SLC17A5: variants seen among roughly 807,000 people sequenced by gnomAD.
The protein encoded by SLC17A5 is solute carrier family 17 member 5, also known as sialin.
In SLC17A5, 47 loss-of-function variants were observed where a neutral mutation model predicts 59.4. The ratio of observed to expected loss-of-function variants is 0.79; its 90% CI spans 0.63 to 1.01. The LOEUF (loss-of-function observed/expected upper bound fraction) is 1.01, where lower values mean the gene tolerates loss of function less well. Ranked by LOEUF, SLC17A5 falls within the 50% of genes least tolerant of loss-of-function variation. The pLI is 0.00. For synonymous variants in SLC17A5, 202 were observed against 210.7 expected, an observed-to-expected ratio of 0.96 and a Z score of 0.36; for missense variants, 522 against 595.5, an observed-to-expected ratio of 0.88 and a Z score of 1.28.
chr6:73,616,546 TACACACACACACACACAC>T (rs56306141), intron 7 of SLC17A5, among the ~76,000 whole-genome samples: 1 of 126,266 alleles, frequency 7.9e-6, no homozygotes, highest in Non-Finnish European at 1.6e-5. Context: ...GTTTATTTAC[TACACACACACACACACAC>T]ACACACACAC....
At chr6:73,612,733 C>T (rs1767686178) in intron 8 of SLC17A5, among the ~76,000 whole-genome samples, 1 of 152,112 alleles carries the variant, frequency 6.6e-6, no homozygotes, top group Non-Finnish European at 1.5e-5. Context: ...TACCATCATG[C>T]CTAACTGATT....
chr6:73,653,443 C>T (rs1769963614), intron 1 of SLC17A5: 1 of 985,276 alleles, frequency 1.0e-6, no homozygotes, highest in South Asian at 4.7e-5. Context: ...CCACTGGGTC[C>T]CTTGCTCAGC....
At chr6:73,601,281 G>C (rs1316115954) in intron 9 of SLC17A5, among the ~76,000 whole-genome samples, 1 of 140,780 alleles carries the variant, frequency 7.1e-6, no homozygotes, top group African/African-American at 2.6e-5. Context: ...CGCCCCGTCT[G>C]AGAAGTGAGG....
In SLC17A5 at chr6:73,641,803, A is replaced by G. The variant is rs758934754; in HGVS notation, c.413T>C (p.Leu138Pro). The change falls in exon 3 of 11, where the codon CTG becomes CCG. Residue 138 changes from leucine (L) to proline (P), a missense_variant. Leu to Pro is a moderately conservative substitution (Grantham distance 98). Transcript: ENST00000355773. ...YVASKIGGKM[L>P]LGFGILGTAV... ...AGTGCCAAGGATCCCAAATCCTAGC[A>G]GCATTTTCCCCCCTATTTTGCTGGC... 3 of 1,614,242 alleles carry G rather than the reference A, an allele frequency of 1.9e-6. No homozygotes were observed. In the Admixed American group the frequency reaches 5.0e-5, roughly 27 times the overall value.
At chr6:73,619,097 A>C (rs959692920) in intron 7 of SLC17A5, among the ~76,000 whole-genome samples, 9 of 152,030 alleles carry the variant, frequency 5.9e-5, no homozygotes, top group African/African-American at 2.2e-4. Context: ...AGAAGGAAAG[A>C]GATGGGGTAG....
chr6:73,624,837 C>A (rs575501704), intron 6 of SLC17A5, among the ~76,000 whole-genome samples: 1 of 152,050 alleles, frequency 6.6e-6, no homozygotes, highest in Non-Finnish European at 1.5e-5. Context: ...CACATCACTG[C>A]ACTCCAGCTT....
At chr6:73,647,219 T>C (rs934919505) in intron 1 of SLC17A5, among the ~76,000 whole-genome samples, 1 of 152,240 alleles carries the variant, frequency 6.6e-6, no homozygotes, top group African/African-American at 2.4e-5. Flanking sequence ...ATCTGGTTGA[T>C]GGTTTAAAGA....
chr6:73,618,244 GAAATAAAATA>G (rs372079299), intron 7 of SLC17A5: 30,899 of 141,250 alleles, frequency 0.22, 3,832 homozygotes, highest in Non-Finnish European at 0.26. Context: ...AAAATAAAAT[GAAATAAAATA>G]AAATAAAATA....
intron 2 of SLC17A5, among the ~76,000 whole-genome samples, chr6:73,642,670 T>C (rs772337609): frequency 8.5e-5 from 13 of 152,202 alleles, no homozygotes; most frequent in Non-Finnish European, 1.5e-4. Flanking sequence ...CTAATGAAGA[T>C]TTAGTGACTG....
intron 1 of SLC17A5, among the ~76,000 whole-genome samples, chr6:73,645,748 A>T (rs1020310405): frequency 3.4e-5 from 5 of 145,806 alleles, no homozygotes; most frequent in African/African-American, 1.3e-4. Context: ...AGATCGCGCC[A>T]CTGCACTCCA....
Position 73,600,348 on chromosome 6 carries a change from T to C in SLC17A5, c.1350+3A>G. On this transcript the variant is annotated splice_donor_region_variant and intron_variant, in intron 10 of 10. Transcript: ENST00000355773. ...CCAGTTTACAAGTAAATTATCTACT[T>C]ACATCAGGGGTCAGACTTTTAGCAA... 1.2e-6 allele frequency: 2 copies of C among 1,609,554 alleles called. No individual in the cohort carries two copies.
At position 73,633,013 on chromosome 6, in the gene SLC17A5, GTCTTGC is replaced by G. The variant is rs146817026; in HGVS notation, c.819+2363_819+2368del. On this transcript the variant is annotated intron_variant, in intron 6 of 10. Transcript: ENST00000355773. ...ACTTAACTTATTTATTTGAGACATG[GTCTTGC>G]TCTGTTGCCCAGGTTGGAGTGCAAT... Among the ~76,000 whole-genome samples the G allele has an allele frequency of 9.1e-3, 1,385 of 152,068 alleles. 28 individuals carry two copies. The highest frequency in any genetic ancestry group is 0.031 in the African/African-American group (1,293 of 41,460).
At chr6:73,642,213 G>C (rs1294841217) in intron 2 of SLC17A5, among the ~76,000 whole-genome samples, 1 of 152,134 alleles carries the variant, frequency 6.6e-6, no homozygotes, top group Non-Finnish European at 1.5e-5. Context: ...GACCAAGAAG[G>C]CTCACAAAAG....
Position 73,644,397 on chromosome 6 carries a change from T to C in SLC17A5, c.291+10A>G, listed in dbSNP as rs770302216. ...TAATTAAAATTGTTTCCTTAAAAAA[T>C]AGCACCTACCGTTTGATTATGATGA... is the stretch of plus-strand genomic sequence containing the variant. On this transcript the variant is annotated intron_variant, in intron 2 of 10. Transcript: ENST00000355773. 1.2e-6 allele frequency: 2 copies of C among 1,606,652 alleles called. No individual in the cohort carries two copies. The highest frequency in any genetic ancestry group is 2.2e-5 in the East Asian group (1 of 44,810).
At chr6:73,620,366 C>T (rs1268026391) in intron 7 of SLC17A5, among the ~76,000 whole-genome samples, 1 of 152,108 alleles carries the variant, frequency 6.6e-6, no homozygotes, top group African/African-American at 2.4e-5. Context: ...AAATCAGCCC[C>T]ACTTTATAGT....
chr6:73,653,735 G>T, intron 1 of SLC17A5, 58 bp downstream of exon 1: 1 of 1,476,190 alleles, frequency 6.8e-7, no homozygotes, highest in South Asian at 1.2e-5. Context: ...CCGGCCCAGA[G>T]ACCGCCGCCC....
In SLC17A5 at chr6:73,601,184, T is replaced by G. The variant is rs1189166232; in HGVS notation, c.1260-743A>C. On this transcript the variant is annotated intron_variant, in intron 9 of 10. Coordinates refer to ENST00000355773, the MANE Select transcript of SLC17A5 (RefSeq NM_012434.5). ...CATCGTCTGAGATGTGGGGAGCGCC[T>G]CTGCCCCGCCGCCCCGTCTGGGATG... Among the ~76,000 whole-genome samples, 6 of 140,582 alleles carry G rather than the reference T, an allele frequency of 4.3e-5. No individual in the cohort carries two copies. The South Asian group carries it at 6.9e-4, about 16-fold the overall frequency. 92.2% of individuals were successfully genotyped at this position (140,582 alleles called of 152,430 possible).
At chr6:73,641,640 AGAG>A (rs778972345) in intron 3 of SLC17A5, 48 bp downstream of exon 3, 13 of 1,306,768 alleles carry the variant, frequency 9.9e-6, no homozygotes, top group Non-Finnish European at 1.3e-5. Flanking sequence ...TTTAAGAAGA[AGAG>A]AAGGAGACAC....
At chr6:73,633,988 A>C (rs1431796802) in intron 6 of SLC17A5, among the ~76,000 whole-genome samples, 1 of 152,202 alleles carries the variant, frequency 6.6e-6, no homozygotes, top group Admixed American at 6.5e-5. Flanking sequence ...GAAGCCAACA[A>C]GAATGCTGAA....
Sources: gnomAD v4.1 joint callset for allele counts (sites outside exome capture counted in the v4.1 genomes callset) on GRCh38, gnomAD v4.1.1 for gene constraint, MANE v1.5 for transcripts, NCBI Gene and HGNC (gene_info 2026-07-23, HGNC 2026-07-21) for gene names.